Variants in WWC2 observed in about 807,000 individuals in gnomAD.
The protein encoded by WWC2 is WW and C2 domain containing 2, also known as protein WWC2.
A neutral mutation model predicts 138.5 loss-of-function variants in WWC2; 101 were observed. The ratio of observed to expected loss-of-function variants is 0.73; its 90% CI spans 0.62 to 0.86. The LOEUF (loss-of-function observed/expected upper bound fraction) is 0.86, where lower values mean the gene tolerates loss of function less well. WWC2 is among the 40% of genes least tolerant of loss of function. The pLI is 0.00. For synonymous variants in WWC2, 558 were observed against 538.4 expected (o/e 1.04, Z -0.50); for missense variants, 1,420 against 1,419.4 (o/e 1.00, Z -0.01).
At chr4:183,295,710 A>G (rs1738606917) in intron 21 of WWC2, among the ~76,000 whole-genome samples, 1 of 152,182 alleles carries the variant, frequency 6.6e-6, no homozygotes, top group Non-Finnish European at 1.5e-5. Context: ...AGCATCTCAT[A>G]CGATGTTCAC....
intron 5 of WWC2, 22 bp downstream of exon 5, chr4:183,240,284 C>G: frequency 6.5e-7 from 1 of 1,527,634 alleles, no homozygotes. Context: ...AAGACTGAAT[C>G]AACTTTAGAA....
At chr4:183,251,167 T>C (rs956532238) in intron 8 of WWC2, among the ~76,000 whole-genome samples, 1 of 152,248 alleles carries the variant, frequency 6.6e-6, no homozygotes, top group Non-Finnish European at 1.5e-5. Flanking sequence ...GAAAAATGTT[T>C]AGGCTTTATT....
intron 1 of WWC2, among the ~76,000 whole-genome samples, chr4:183,154,002 C>G (rs927364614): frequency 1.4e-5 from 1 of 71,642 alleles, no homozygotes; most frequent in Admixed American, 2.1e-4. Context: ...CTTTAAAAAG[C>G]AAAAAAAAAA....
Position 183,208,931 on chromosome 4 carries a change from C to T in WWC2, c.446-18C>T. ...TGCAACTTGTAAATAATTAGTTTTT[C>T]TTTTTTCTCTATAAAAGTATTCTCA... On this transcript the variant is annotated intron_variant, in intron 3 of 22. Coordinates refer to ENST00000403733, the MANE Select transcript of WWC2 (RefSeq NM_024949.6). 6.6e-7 allele frequency: 1 copy of T among 1,504,196 alleles called. No individual in the cohort carries two copies. Among genetic ancestry groups the T allele is most frequent in the Non-Finnish European group, 9.0e-7 (1 of 1,108,278 alleles). The allele number at this position is 1,504,196 out of a possible 1,614,324, so 93.2% of individuals were successfully genotyped here. A position where few individuals can be genotyped will look rare whatever the true frequency, so the allele number is the denominator to read the frequency against.
At chr4:183,158,386 C>CA (rs70956568) in intron 1 of WWC2, among the ~76,000 whole-genome samples, 149,048 of 151,854 alleles carry the variant, frequency 0.98, 73,197 homozygotes, top group Middle Eastern at 1. Context: ...AGTCTGAGAC[C>CA]GGGTGTAGGC....
At chr4:183,302,170 A>G (rs1738863104) in intron 21 of WWC2, among the ~76,000 whole-genome samples, 1 of 152,232 alleles carries the variant, frequency 6.6e-6, no homozygotes, top group South Asian at 2.1e-4. Context: ...GTATTCCTAA[A>G]GCATAAATTC....
intron 4 of WWC2, among the ~76,000 whole-genome samples, chr4:183,211,180 C>G (rs1050048496): frequency 6.6e-6 from 1 of 152,104 alleles, no homozygotes; most frequent in African/African-American, 2.4e-5. Context: ...TTTTTCAGTT[C>G]AAAAACTTAT....
At chr4:183,103,826 G>C (rs781588614) in intron 1 of WWC2, among the ~76,000 whole-genome samples, 1 of 149,632 alleles carries the variant, frequency 6.7e-6, no homozygotes, top group Non-Finnish European at 1.5e-5. Context: ...GGTAGAGATG[G>C]GGTTTCACCA....
At chr4:183,278,770 C>T (rs892286299) in intron 16 of WWC2, among the ~76,000 whole-genome samples, 6 of 151,616 alleles carry the variant, frequency 4.0e-5, no homozygotes, top group Admixed American at 3.9e-4. Context: ...CCTGATTTGG[C>T]TCTCTGTTTG....
intron 1 of WWC2, among the ~76,000 whole-genome samples, chr4:183,123,484 T>C (rs1732668751): frequency 6.6e-6 from 1 of 151,920 alleles, no homozygotes; most frequent in Admixed American, 6.6e-5. Flanking sequence ...ATAGCATTTA[T>C]GGATATATAC....
chr4:183,135,306 C>G (rs1156679119), intron 1 of WWC2, among the ~76,000 whole-genome samples: 1 of 151,882 alleles, frequency 6.6e-6, no homozygotes, highest in Non-Finnish European at 1.5e-5. Context: ...TTATTTTGTA[C>G]TTTTTGTTTC....
intron 2 of WWC2, among the ~76,000 whole-genome samples, chr4:183,202,661 A>G (rs1021838695): frequency 2.0e-5 from 3 of 151,888 alleles, no homozygotes; most frequent in African/African-American, 7.2e-5. Flanking sequence ...TGTTGCTGCC[A>G]TGTGCACAGA....
In WWC2 at chr4:183,265,121, A is replaced by AG; in HGVS notation, c.2039+18dup. 1.3e-6 allele frequency: 2 copies of AG among 1,595,184 alleles called. No individual in the cohort carries two copies. Among genetic ancestry groups the AG allele is most frequent in the Non-Finnish European group, 1.7e-6 (2 of 1,170,696 alleles). On this transcript the variant is annotated intron_variant, in intron 12 of 22. Coordinates refer to ENST00000403733, the MANE Select transcript of WWC2 (RefSeq NM_024949.6). The stretch of plus-strand genomic sequence containing the variant: ...TTTCGTGAAACAGTAAGGATTCAGC[A>AG]GGGGCGCTTTTAGCTCCAGCGAATC...
intron 4 of WWC2, among the ~76,000 whole-genome samples, chr4:183,232,482 G>T (rs978093906): frequency 6.6e-6 from 1 of 151,986 alleles, no homozygotes; most frequent in Non-Finnish European, 1.5e-5. Context: ...TGTCTTTCCC[G>T]ATGTGCCTGT....
chr4:183,112,754 C>T lies in WWC2; in HGVS notation c.131+13132C>T, dbSNP rs56334851. ...AAACAAGATGAAGTGATAATAGTGTCGGTGGGAGCTGCTTTGGGTTAGGTG... is the reference window on the plus strand; with the variant it reads ...AAACAAGATGAAGTGATAATAGTGTTGGTGGGAGCTGCTTTGGGTTAGGTG... On this transcript the variant is annotated intron_variant, in intron 1 of 22. Transcript: ENST00000403733. Among the ~76,000 whole-genome samples the T allele has an allele frequency of 9.3e-3, 1,417 of 151,968 alleles. 11 individuals are homozygous for T. The highest frequency in any genetic ancestry group is 0.017 in the Non-Finnish European group (1,124 of 67,982).
chr4:183,186,166 G>A (rs1436886808), intron 1 of WWC2, among the ~76,000 whole-genome samples: 1 of 151,910 alleles, frequency 6.6e-6, no homozygotes, highest in African/African-American at 2.4e-5. Flanking sequence ...GGATGGTCTC[G>A]ATCTCCTGAC....
intron 5 of WWC2, among the ~76,000 whole-genome samples, chr4:183,241,797 AAC>A (rs777173941): frequency 6.6e-5 from 10 of 152,288 alleles, no homozygotes; most frequent in Non-Finnish European, 1.2e-4. Flanking sequence ...GGGGAGAGAA[AAC>A]AGAGTTTGAA....
chr4:183,254,036 TTG>T (rs779206006), intron 9 of WWC2, 37 bp downstream of exon 9: 1 of 1,599,884 alleles, frequency 6.3e-7, no homozygotes. Flanking sequence ...AGCTTAACTC[TTG>T]TGGGGGTGTC....
chr4:183,261,636 CTTTCT>C, intron 11 of WWC2, 104 bp downstream of exon 11: 15 of 1,318,726 alleles, frequency 1.1e-5, no homozygotes, highest in Non-Finnish European at 1.5e-5. Flanking sequence ...TTCCCCTTCT[CTTTCT>C]TTTGAGTAAT....
Sources: allele counts gnomAD v4.1 joint callset (sites outside exome capture counted in the v4.1 genomes callset), GRCh38; gene constraint gnomAD v4.1.1; transcripts MANE v1.5; gene names NCBI Gene and HGNC (gene_info 2026-07-23, HGNC 2026-07-21).